The following ZFHX3 variants were observed in gnomAD, a reference collection of about 807,000 sequenced individuals.
ZFHX3 encodes the protein zinc finger homeobox protein 3.
ZFHX3 carries 42 observed loss-of-function variants against 279.1 expected under a neutral mutation model. That is an observed-to-expected ratio of 0.15 (90% CI 0.12 to 0.19). The LOEUF (loss-of-function observed/expected upper bound fraction) is 0.19. Among genes scored for constraint, ZFHX3 ranks in the 10% least tolerant of loss-of-function variants. The pLI is 1.00. For synonymous variants in ZFHX3, 2,293 were observed against 1,957.8 expected (o/e 1.17, Z -4.52); for missense variants, 4,981 against 4,754.0 (o/e 1.05, Z -1.40).
chr16:73,460,894 G>C (rs187195281), intron 2 of ZFHX3, among the ~76,000 whole-genome samples: 1 of 152,276 alleles, frequency 6.6e-6, no homozygotes, highest in Admixed American at 6.5e-5. Context: ...CAACGTGATT[G>C]TAAGTTTCCT....
chr16:73,671,498 G>GA (rs549835868), intron 2 of ZFHX3, among the ~76,000 whole-genome samples: 14 of 152,322 alleles, frequency 9.2e-5, no homozygotes, highest in African/African-American at 3.4e-4. Flanking sequence ...ATTATTTTTA[G>GA]AAAACCTTTA....
At chr16:73,486,418 C>A (rs929385745) in intron 2 of ZFHX3, among the ~76,000 whole-genome samples, 10 of 150,100 alleles carry the variant, frequency 6.7e-5, no homozygotes, top group Admixed American at 1.3e-4. Flanking sequence ...TGCTTTGTTG[C>A]TTCATTCTTT....
At chr16:73,073,373 G>A (rs1965848080) in intron 8 of ZFHX3, among the ~76,000 whole-genome samples, 1 of 152,152 alleles carries the variant, frequency 6.6e-6, no homozygotes, top group Admixed American at 6.5e-5. Flanking sequence ...TGTCTCTCCA[G>A]GATCAACAGG....
At chr16:73,503,712 C>T (rs1355807748) in intron 2 of ZFHX3, among the ~76,000 whole-genome samples, 1 of 152,178 alleles carries the variant, frequency 6.6e-6, no homozygotes, top group Admixed American at 6.5e-5. Flanking sequence ...CAAAACATTT[C>T]GTCAGAGAAA....
intron 1 of ZFHX3, among the ~76,000 whole-genome samples, chr16:73,004,254 C>G (rs1287932580): frequency 2.1e-5 from 3 of 142,914 alleles, no homozygotes; most frequent in Non-Finnish European, 4.5e-5. Context: ...ATCCTCCCAC[C>G]TCAGCCTCCC....
intron 1 of ZFHX3, among the ~76,000 whole-genome samples, chr16:73,004,397 C>T (rs564497071): frequency 5.1e-5 from 7 of 138,386 alleles, no homozygotes; most frequent in South Asian, 2.3e-4. Context: ...GGTGCAATCT[C>T]GGCTCACTGC....
intron 3 of ZFHX3, among the ~76,000 whole-genome samples, chr16:73,355,394 C>A (rs1331080530): frequency 1.3e-5 from 2 of 152,134 alleles, no homozygotes; most frequent in African/African-American, 2.4e-5. Flanking sequence ...CAGATCCTGT[C>A]CCCTTGATTT....
At chr16:72,812,076 A>T (rs1329051782) in intron 5 of ZFHX3, 38 bp from the exon 6 acceptor site, 9 of 1,607,482 alleles carry the variant, frequency 5.6e-6, no homozygotes, top group Non-Finnish European at 5.1e-6. Flanking sequence ...CAGCAGCCAG[A>T]CCAGGCCAGC....
intron 4 of ZFHX3, among the ~76,000 whole-genome samples, chr16:73,260,639 C>T (rs911288469): frequency 1.3e-5 from 2 of 148,630 alleles, no homozygotes; most frequent in African/African-American, 2.5e-5. Flanking sequence ...AACCAAGATC[C>T]GGGTGCTAGG....
At chr16:73,530,918 A>G (rs971339986) in intron 2 of ZFHX3, among the ~76,000 whole-genome samples, 25 of 152,226 alleles carry the variant, frequency 1.6e-4, no homozygotes, top group African/African-American at 6.0e-4. Context: ...CTAAACATCC[A>G]GTTGCCAGCT....
Position 72,951,040 on chromosome 16 carries a change from C to T in ZFHX3, c.2720-75G>A, listed in dbSNP as rs1416198790. 10 of 1,540,640 alleles carry T rather than the reference C, an allele frequency of 6.5e-6. No individual in the cohort carries two copies. In the African/African-American group the frequency reaches 1.1e-4, roughly 17 times the overall value. ...GGCCACAGCTGAGGCACCCCCCAGC[C>T]CTCCGCCACCCTCAACTGGGGTCCA... On this transcript the variant is annotated intron_variant, in intron 2 of 9. Transcript: ENST00000268489.
chr16:73,768,266 G>C (rs1222294932), intron 1 of ZFHX3, among the ~76,000 whole-genome samples: 1 of 152,152 alleles, frequency 6.6e-6, no homozygotes, highest in Non-Finnish European at 1.5e-5. Context: ...AAAGCAAGGA[G>C]ACCCACTAAC....
intron 2 of ZFHX3, among the ~76,000 whole-genome samples, chr16:72,956,187 C>T (rs1961242422): frequency 6.6e-6 from 1 of 152,212 alleles, no homozygotes; most frequent in Non-Finnish European, 1.5e-5. Context: ...AATTAGCACT[C>T]AAACACCACA....
chr16:73,761,728 T>C (rs900984155), intron 1 of ZFHX3, among the ~76,000 whole-genome samples: 1 of 152,024 alleles, frequency 6.6e-6, no homozygotes, highest in Non-Finnish European at 1.5e-5. Context: ...AAACAAGAAA[T>C]GGGAAAAGGA....
chr16:72,895,317 C>A (rs372410659), intron 3 of ZFHX3, among the ~76,000 whole-genome samples: 1 of 152,140 alleles, frequency 6.6e-6, no homozygotes, highest in Non-Finnish European at 1.5e-5. Context: ...ACAGGGGCCT[C>A]CTAGCTAACT....
At chr16:73,115,043 T>G (rs972995226) in intron 7 of ZFHX3, among the ~76,000 whole-genome samples, 2 of 152,122 alleles carry the variant, frequency 1.3e-5, no homozygotes, top group Non-Finnish European at 2.9e-5. Flanking sequence ...GTCTTCAGCT[T>G]CTCTCCCTAG....
At chr16:73,719,306 G>T (rs2142236012) in intron 1 of ZFHX3, among the ~76,000 whole-genome samples, 1 of 152,288 alleles carries the variant, frequency 6.6e-6, no homozygotes. Flanking sequence ...AGATCAGGCT[G>T]CTGTCTCTTC....
chr16:73,452,012 G>C (rs1439689702), intron 3 of ZFHX3, among the ~76,000 whole-genome samples: 10 of 152,136 alleles, frequency 6.6e-5, no homozygotes, highest in African/African-American at 1.4e-4. Context: ...TCAAAACACA[G>C]TAAGTAGATT....
chr16:73,885,963 C>G (rs942707326), intron 1 of ZFHX3, among the ~76,000 whole-genome samples: 3 of 152,134 alleles, frequency 2.0e-5, no homozygotes, highest in Non-Finnish European at 2.9e-5. Flanking sequence ...AATGTTAGAG[C>G]GAAGTTTTCC....
Sources: gnomAD v4.1 joint callset for allele counts (sites outside exome capture counted in the v4.1 genomes callset) on GRCh38, gnomAD v4.1.1 for gene constraint, MANE v1.5 for transcripts, NCBI Gene and HGNC (gene_info 2026-07-23, HGNC 2026-07-21) for gene names.